The following MAP2K5 variants were observed in gnomAD, a reference collection of about 807,000 sequenced individuals.
The protein encoded by MAP2K5 is mitogen-activated protein kinase kinase 5.
MAP2K5 carries 49 observed loss-of-function variants against 83.1 expected under a neutral mutation model. The observed-to-expected ratio is 0.59, with a 90% CI of 0.47 to 0.75. The LOEUF (loss-of-function observed/expected upper bound fraction) is 0.75. Ranked by LOEUF, MAP2K5 falls within the 30% of genes least tolerant of loss-of-function variation. The pLI, the probability that MAP2K5 is intolerant of heterozygous loss-of-function variation, is 0.00. For missense variants in MAP2K5, 457 were observed against 557.5 expected (o/e 0.82, Z 1.82); for synonymous variants, 202 against 191.8 (o/e 1.05, Z -0.44).
chr15:67,689,974 G>T (rs1321556540), intron 13 of MAP2K5, among the ~76,000 whole-genome samples: 1 of 152,186 alleles, frequency 6.6e-6, no homozygotes, highest in Admixed American at 6.5e-5. Context: ...GTGCAGCCCA[G>T]CGCAAATTTG....
intron 3 of MAP2K5, among the ~76,000 whole-genome samples, chr15:67,575,831 G>A (rs1206398365): frequency 5.9e-5 from 9 of 151,834 alleles, no homozygotes; most frequent in Non-Finnish European, 1.0e-4. Flanking sequence ...GGTATCCAAT[G>A]AGTGAGGGTT....
chr15:67,641,756 TAATG>T, intron 9 of MAP2K5: 1 of 343,946 alleles, frequency 2.9e-6, no homozygotes, highest in South Asian at 1.2e-4. Flanking sequence ...GAGAAAAAAA[TAATG>T]AAGAATCAGG....
At position 67,717,866 on chromosome 15, in the gene MAP2K5, G is replaced by A. The variant is rs1011984575; in HGVS notation, c.1045-10050G>A. The A allele has an allele frequency of 2.0e-5, 3 of 152,142 alleles. No homozygotes were observed. Among genetic ancestry groups the A allele is most frequent in the African/African-American group, 7.2e-5 (3 of 41,420 alleles). The allele number at this position is 152,142 out of a possible 1,614,324, so 9.4% of individuals were successfully genotyped here. ...TTGCAAAAGCTACAGATCTGTTAAG[G>A]CCCAACCTCAGAAATTACACAGGAT... On this transcript the variant is annotated intron_variant, in intron 16 of 21. Coordinates refer to ENST00000178640, the MANE Select transcript of MAP2K5 (RefSeq NM_145160.3). This position sits in a 1 kb window ranked among gnomAD's most constrained non-coding sequence, Gnocchi z 4.1.
chr15:67,781,142 A>C lies in MAP2K5; in HGVS notation c.1242+8390A>C, dbSNP rs2090321965. Among the ~76,000 whole-genome samples, 1 of 152,228 alleles carries C rather than the reference A, an allele frequency of 6.6e-6. No homozygotes were observed. The highest frequency in any genetic ancestry group is 2.4e-5 in the African/African-American group (1 of 41,456). On this transcript the variant is annotated intron_variant, in intron 21 of 21. Transcript: ENST00000178640. The surrounding 1 kb of genome is among the most constrained non-coding windows in gnomAD (Gnocchi z 4.0). Reference sequence around the variant, plus strand: ...TCAGAGACATTCAGCCGTTTGTGGGAGAAATATAAAAGGATCCTAAAGCTA... The same window carrying C: ...TCAGAGACATTCAGCCGTTTGTGGGCGAAATATAAAAGGATCCTAAAGCTA...
chr15:67,642,762 T>C (rs1325604902), intron 9 of MAP2K5, among the ~76,000 whole-genome samples: 1 of 152,186 alleles, frequency 6.6e-6, no homozygotes, highest in Non-Finnish European at 1.5e-5. Flanking sequence ...ATTCCTTGAA[T>C]GTCATGCTAG....
rs190287319 is a variant in MAP2K5, at chr15:67,702,670, C to T, written c.973-667C>T. ...AGTGTTTATGTAGCCTCTTTTAGACCGGGTATTTGCTATACATCTTGAGTG... is the reference window on the plus strand; with the variant it reads ...AGTGTTTATGTAGCCTCTTTTAGACTGGGTATTTGCTATACATCTTGAGTG... On this transcript the variant is annotated intron_variant, in intron 15 of 21. Transcript: ENST00000178640. This position sits in a 1 kb window ranked among gnomAD's most constrained non-coding sequence, Gnocchi z 4.6. 1.3e-3 allele frequency among the ~76,000 whole-genome samples: 193 copies of T among 152,248 alleles called. 2 individuals are homozygous for T. The highest frequency in any genetic ancestry group is 3.4e-3 in the Middle Eastern group (1 of 294).
intron 13 of MAP2K5, among the ~76,000 whole-genome samples, chr15:67,675,979 C>T (rs1450309337): frequency 6.6e-6 from 1 of 152,148 alleles, no homozygotes; most frequent in East Asian, 1.9e-4. Flanking sequence ...GTTATTTCCC[C>T]AGTCCCCACC....
At chr15:67,721,408 G>C (rs140010508) in intron 16 of MAP2K5, among the ~76,000 whole-genome samples, 1 of 152,246 alleles carries the variant, frequency 6.6e-6, no homozygotes, top group African/African-American at 2.4e-5. Flanking sequence ...GCGCACTCCT[G>C]ATGGGACCCT....
chr15:67,690,606 T>C lies in MAP2K5; in HGVS notation c.848-1873T>C, dbSNP rs1174169952. ...TACAGTGCAGTGGCACCATCTCAGC[T>C]CACTGCAACCTCTGTTTCCCAGGTT... On this transcript the variant is annotated intron_variant, in intron 13 of 21. Transcript: ENST00000178640. This position sits in a 1 kb window ranked among gnomAD's most constrained non-coding sequence, Gnocchi z 4.3. Among the ~76,000 whole-genome samples, 1 of 151,540 alleles carries C rather than the reference T, an allele frequency of 6.6e-6. No homozygotes were observed. The highest frequency in any genetic ancestry group is 1.9e-4 in the East Asian group (1 of 5,164).
chr15:67,732,188 G>A (rs868263782), intron 17 of MAP2K5, among the ~76,000 whole-genome samples: 7 of 152,212 alleles, frequency 4.6e-5, no homozygotes, highest in Non-Finnish European at 1.0e-4. Context: ...GACTGGAGCT[G>A]CCTATAGTTA....
chr15:67,601,096 G>C (rs2085648726), intron 8 of MAP2K5, among the ~76,000 whole-genome samples: 1 of 151,848 alleles, frequency 6.6e-6, no homozygotes. Context: ...CTAGTCCCCT[G>C]CCTGTTTACA....
chr15:67,787,289 C>T (rs2090437500), intron 21 of MAP2K5, among the ~76,000 whole-genome samples: 1 of 152,244 alleles, frequency 6.6e-6, no homozygotes, highest in Admixed American at 6.5e-5. Context: ...GAGTTCAGCG[C>T]TTGTAGCTGT....
chr15:67,802,292 A>C lies in MAP2K5; in HGVS notation c.1243-4354A>C, dbSNP rs962616078. Among the ~76,000 whole-genome samples, 1 of 149,806 alleles carries C rather than the reference A, an allele frequency of 6.7e-6. No homozygotes were observed. The highest frequency in any genetic ancestry group is 2.6e-5 in the African/African-American group (1 of 39,118). On this transcript the variant is annotated intron_variant, in intron 21 of 21. Coordinates refer to ENST00000178640, the MANE Select transcript of MAP2K5 (RefSeq NM_145160.3). The surrounding 1 kb of genome is among the most constrained non-coding windows in gnomAD (Gnocchi z 5.0). Reference sequence around the variant, plus strand: ...TTCATCTTCATGAGAGGGAGCGGTGAGCAACCACAATTCATCTTCATGACT... The same window carrying C: ...TTCATCTTCATGAGAGGGAGCGGTGCGCAACCACAATTCATCTTCATGACT...
chr15:67,788,940 C>G (rs960795396), intron 21 of MAP2K5, among the ~76,000 whole-genome samples: 2 of 149,582 alleles, frequency 1.3e-5, no homozygotes, highest in African/African-American at 5.0e-5. Context: ...CCATTGCACT[C>G]CAGCATGGGT....
In MAP2K5 at chr15:67,746,710, G is replaced by C. The variant is rs1301633546; in HGVS notation, c.1075-1521G>C. Among the ~76,000 whole-genome samples the C allele has an allele frequency of 6.6e-6, 1 of 152,200 alleles. No individual in the cohort carries two copies. The highest frequency in any genetic ancestry group is 1.5e-5 in the Non-Finnish European group (1 of 68,036). On this transcript the variant is annotated intron_variant, in intron 17 of 21. Coordinates refer to ENST00000178640, the MANE Select transcript of MAP2K5 (RefSeq NM_145160.3). This position sits in a 1 kb window ranked among gnomAD's most constrained non-coding sequence, Gnocchi z 4.1. ...ACATCAAGCAGGGACTATCAACATA[G>C]ACTAAGCCAGTCAACCTGGGACAGA...
At chr15:67,723,144 C>T (rs1456288702) in intron 16 of MAP2K5, among the ~76,000 whole-genome samples, 1 of 152,040 alleles carries the variant, frequency 6.6e-6, no homozygotes, top group Admixed American at 6.6e-5. Context: ...ATTTATGATT[C>T]TATGACAATA....
At chr15:67,797,050 C>A (rs868114367) in intron 21 of MAP2K5, among the ~76,000 whole-genome samples, 4 of 152,204 alleles carry the variant, frequency 2.6e-5, no homozygotes, top group African/African-American at 9.7e-5. Context: ...CTGCTAAAAT[C>A]AGAACTCTTA....
rs574690085 is a variant in MAP2K5, at chr15:67,644,661, C to T, written c.586-1570C>T. 3.6e-4 allele frequency among the ~76,000 whole-genome samples: 55 copies of T among 151,900 alleles called. No individual in the cohort carries two copies. Among genetic ancestry groups the T allele is most frequent in the African/African-American group, 1.3e-3 (52 of 41,418 alleles). ...GTCCAGAGGAGGGGGTCCTACCATT[C>T]CCAGGCTCTGTGGCTCCCAGGAGGG... On this transcript the variant is annotated intron_variant, in intron 9 of 21. Coordinates refer to ENST00000178640, the MANE Select transcript of MAP2K5 (RefSeq NM_145160.3). The surrounding 1 kb of genome is among the most constrained non-coding windows in gnomAD (Gnocchi z 4.6).
At chr15:67,712,465 G>C (rs1042773163) in intron 16 of MAP2K5, among the ~76,000 whole-genome samples, 3 of 152,170 alleles carry the variant, frequency 2.0e-5, no homozygotes, top group African/African-American at 7.2e-5. Context: ...AAAGCAATTT[G>C]GATGGCCAGA....
Sources: gnomAD v4.1 joint callset for allele counts (sites outside exome capture counted in the v4.1 genomes callset) on GRCh38, gnomAD v4.1.1 for gene constraint, Gnocchi (gnomAD v3.1) non-coding constraint, MANE v1.5 for transcripts, NCBI Gene and HGNC (gene_info 2026-07-23, HGNC 2026-07-21) for gene names.